Variants in RCAN2 observed in about 807,000 individuals in gnomAD.
RCAN2 encodes regulator of calcineurin 2, also known as calcipressin-2.
Under a neutral mutation model 23.6 loss-of-function variants are expected in RCAN2, and 9 were observed. That is an observed-to-expected ratio of 0.38 (90% CI 0.23 to 0.67). The LOEUF (loss-of-function observed/expected upper bound fraction) is 0.67. Ranked by LOEUF, RCAN2 falls within the 30% of genes least tolerant of loss-of-function variation. RCAN2 has a pLI of 0.51. For missense variants in RCAN2, 273 were observed against 302.3 expected (o/e 0.90, Z 0.72); for synonymous variants, 109 against 115.7 (o/e 0.94, Z 0.37).
chr6:46,489,646 A>G (rs1204842232), intron 1 of RCAN2, among the ~76,000 whole-genome samples: 10 of 152,242 alleles, frequency 6.6e-5, no homozygotes, highest in Admixed American at 6.5e-4. Flanking sequence ...CACTGGAGAA[A>G]GAGTCATGCC....
At chr6:46,384,580 G>A (rs1392554821) in intron 2 of RCAN2, among the ~76,000 whole-genome samples, 2 of 152,152 alleles carry the variant, frequency 1.3e-5, no homozygotes, top group Non-Finnish European at 2.9e-5. Flanking sequence ...GGGAACTGGG[G>A]TTAAAGAGGC....
chr6:46,386,211 A>G (rs904542909), intron 2 of RCAN2, among the ~76,000 whole-genome samples: 1 of 152,182 alleles, frequency 6.6e-6, no homozygotes, highest in African/African-American at 2.4e-5. Flanking sequence ...TGGACAAAGG[A>G]TATGAACAGA....
intron 4 of RCAN2, among the ~76,000 whole-genome samples, chr6:46,235,928 A>T (rs1242364342): frequency 6.6e-6 from 1 of 152,220 alleles, no homozygotes; most frequent in Non-Finnish European, 1.5e-5. Flanking sequence ...GACTCTGAGA[A>T]AGTTATATAA....
chr6:46,246,335 AGT>A (rs1766512068), intron 4 of RCAN2, among the ~76,000 whole-genome samples: 1 of 152,104 alleles, frequency 6.6e-6, no homozygotes, highest in African/African-American at 2.4e-5. Context: ...GGGGTTCCTG[AGT>A]GTGTACTAGC....
At chr6:46,305,590 C>T (rs1763036153) in intron 2 of RCAN2, among the ~76,000 whole-genome samples, 1 of 151,986 alleles carries the variant, frequency 6.6e-6, no homozygotes, top group Admixed American at 6.6e-5. Flanking sequence ...GCCAATTTTA[C>T]ACTTTTATAA....
chr6:46,319,773 C>A (rs1185146214), intron 2 of RCAN2, among the ~76,000 whole-genome samples: 2 of 152,066 alleles, frequency 1.3e-5, no homozygotes, highest in South Asian at 4.1e-4. Context: ...TGCATTAATT[C>A]ATTTATTTCC....
At chr6:46,310,779 G>T (rs1283940155) in intron 2 of RCAN2, among the ~76,000 whole-genome samples, 1 of 152,130 alleles carries the variant, frequency 6.6e-6, no homozygotes, top group African/African-American at 2.4e-5. Flanking sequence ...AGACCTGATG[G>T]ATTTTTCTTT....
chr6:46,365,025 G>T (rs1765127967), intron 2 of RCAN2, among the ~76,000 whole-genome samples: 1 of 151,894 alleles, frequency 6.6e-6, no homozygotes, highest in African/African-American at 2.4e-5. Flanking sequence ...GACTTCCCTG[G>T]CTACCCTTCC....
At position 46,453,372 on chromosome 6, in the gene RCAN2, C is replaced by G. The variant is rs934056501; in HGVS notation, c.225+3380G>C. On this transcript the variant is annotated intron_variant, in intron 2 of 4. Coordinates refer to ENST00000371374, the MANE Select transcript of RCAN2 (RefSeq NM_001251974.2). ...TGTTATATAAACAAATCTCAACCAT[C>G]TGGACCACAACAAGCCTCACTGAAG... 2.6e-5 allele frequency among the ~76,000 whole-genome samples: 4 copies of G among 152,366 alleles called. No homozygotes were observed. In the South Asian group the frequency reaches 8.3e-4, roughly 32 times the overall value.
chr6:46,250,758 T>C (rs1373278103), intron 2 of RCAN2, among the ~76,000 whole-genome samples: 1 of 152,174 alleles, frequency 6.6e-6, no homozygotes. Flanking sequence ...TTTAATTAGA[T>C]CACATCTAAG....
At chr6:46,406,916 A>C (rs1305315246) in intron 2 of RCAN2, among the ~76,000 whole-genome samples, 1 of 152,170 alleles carries the variant, frequency 6.6e-6, no homozygotes, top group African/African-American at 2.4e-5. Context: ...TGGGTACACA[A>C]TTATGTGCTG....
intron 2 of RCAN2, among the ~76,000 whole-genome samples, chr6:46,255,943 C>T (rs1182532116): frequency 2.0e-5 from 3 of 151,860 alleles, no homozygotes; most frequent in South Asian, 2.1e-4. Flanking sequence ...TGTGTAATTG[C>T]GAGGGAATAA....
chr6:46,234,898 T>C (rs1219787941), intron 4 of RCAN2, among the ~76,000 whole-genome samples: 1 of 152,044 alleles, frequency 6.6e-6, no homozygotes, highest in East Asian at 1.9e-4. Flanking sequence ...AGGGTGCCCA[T>C]GGGCTGTTTC....
chr6:46,291,770 C>T (rs185898930), intron 2 of RCAN2, among the ~76,000 whole-genome samples: 2 of 151,982 alleles, frequency 1.3e-5, no homozygotes, highest in Non-Finnish European at 2.9e-5. Flanking sequence ...TAAGGATACA[C>T]CTGCCCCTGA....
At chr6:46,263,607 C>G (rs1312889926) in intron 2 of RCAN2, among the ~76,000 whole-genome samples, 2 of 145,430 alleles carry the variant, frequency 1.4e-5, no homozygotes, top group Admixed American at 1.4e-4. Context: ...AAGAAATGGC[C>G]TGTAAGAGAT....
chr6:46,249,613 C>T (rs1766641905), intron 2 of RCAN2, among the ~76,000 whole-genome samples: 1 of 152,086 alleles, frequency 6.6e-6, no homozygotes, highest in African/African-American at 2.4e-5. Context: ...AGCCACCATG[C>T]CAGGCCTAGG....
intron 2 of RCAN2, among the ~76,000 whole-genome samples, chr6:46,382,129 G>A (rs1318274225): frequency 6.6e-6 from 1 of 152,070 alleles, no homozygotes; most frequent in East Asian, 1.9e-4. Flanking sequence ...GATTGTCTGG[G>A]GATTAGGATT....
At chr6:46,381,955 C>T (rs1028436330) in intron 2 of RCAN2, among the ~76,000 whole-genome samples, 11 of 152,136 alleles carry the variant, frequency 7.2e-5, no homozygotes, top group African/African-American at 2.2e-4. Context: ...ATCAAAAGCC[C>T]TTAGAAGTGC....
intron 2 of RCAN2, among the ~76,000 whole-genome samples, chr6:46,437,464 T>C (rs762801522): frequency 6.6e-6 from 1 of 152,212 alleles, no homozygotes; most frequent in Non-Finnish European, 1.5e-5. Flanking sequence ...GTAAAGTCAC[T>C]GATTAAGGTG....
Sources: allele counts gnomAD v4.1 joint callset (sites outside exome capture counted in the v4.1 genomes callset), GRCh38; gene constraint gnomAD v4.1.1; transcripts MANE v1.5; gene names NCBI Gene and HGNC (gene_info 2026-07-23, HGNC 2026-07-21).